The following LRRC28 variants were observed in gnomAD, a reference collection of about 807,000 sequenced individuals.
LRRC28 encodes the protein leucine-rich repeat-containing protein 28.
A neutral mutation model predicts 45.7 loss-of-function variants in LRRC28; 39 were observed. The observed-to-expected ratio is 0.85, with a 90% CI of 0.66 to 1.12. LRRC28 has a LOEUF of 1.12. Ranked by LOEUF, LRRC28 falls within the 50% of genes most tolerant of loss-of-function variation. The pLI, the probability that LRRC28 is intolerant of heterozygous loss-of-function variation, is 0.00. For synonymous variants in LRRC28, 206 were observed against 178.8 expected (o/e 1.15, Z -1.22); for missense variants, 435 against 438.5 (o/e 0.99, Z 0.07).
intron 2 of LRRC28, among the ~76,000 whole-genome samples, chr15:99,268,658 C>T (rs1180835286): frequency 6.6e-6 from 1 of 152,048 alleles, no homozygotes; most frequent in Non-Finnish European, 1.5e-5. Flanking sequence ...GAACATGCTC[C>T]CCACCCCACC....
In LRRC28 at chr15:99,287,241, T is replaced by A. The variant is rs1265612716; in HGVS notation, c.210-16T>A. The A allele has an allele frequency of 1.3e-6, 2 of 1,569,752 alleles. No homozygotes were observed. On this transcript the variant is annotated splice_polypyrimidine_tract_variant and intron_variant, in intron 3 of 9. Coordinates refer to ENST00000301981, the MANE Select transcript of LRRC28 (RefSeq NM_144598.5). ...ACTTAATGATAATGGCTGTTTTTTT[T>A]CTTTTTCCTTCCTAGATACCTGCAC...
At chr15:99,378,249 G>A (rs1464333543) in intron 9 of LRRC28, among the ~76,000 whole-genome samples, 2 of 152,142 alleles carry the variant, frequency 1.3e-5, no homozygotes, top group Non-Finnish European at 2.9e-5. Context: ...TCCTTGAAGA[G>A]GTTCTTCACA....
chr15:99,332,364 A>G (rs1019461215), intron 5 of LRRC28, among the ~76,000 whole-genome samples: 2 of 152,236 alleles, frequency 1.3e-5, no homozygotes, highest in Non-Finnish European at 2.9e-5. Flanking sequence ...TTTGTTCAGT[A>G]TTGAGGAAAT....
intron 2 of LRRC28, among the ~76,000 whole-genome samples, chr15:99,264,611 T>C (rs2081286522): frequency 6.6e-6 from 1 of 152,240 alleles, no homozygotes; most frequent in South Asian, 2.1e-4. Context: ...AGATGGGATA[T>C]GCAGAGAGGA....
At chr15:99,322,457 A>G (rs541130675) in intron 5 of LRRC28, among the ~76,000 whole-genome samples, 36 of 152,194 alleles carry the variant, frequency 2.4e-4, no homozygotes, top group South Asian at 2.3e-3. Context: ...GGATTTTGGA[A>G]TGTGGACTCT....
chr15:99,349,075 G>A (rs1179100160), intron 6 of LRRC28, among the ~76,000 whole-genome samples: 1 of 151,970 alleles, frequency 6.6e-6, no homozygotes. Flanking sequence ...TTCTTTGGTA[G>A]GTTGTTATTT....
At chr15:99,274,087 A>T (rs377682960) in intron 2 of LRRC28, among the ~76,000 whole-genome samples, 1 of 152,226 alleles carries the variant, frequency 6.6e-6, no homozygotes, top group East Asian at 1.9e-4. Flanking sequence ...CTTGTTGCAT[A>T]TATCAGTATA....
At chr15:99,369,888 G>T (rs1455501377) in intron 9 of LRRC28, among the ~76,000 whole-genome samples, 1 of 152,200 alleles carries the variant, frequency 6.6e-6, no homozygotes, top group Non-Finnish European at 1.5e-5. Context: ...GTAGTACAGA[G>T]TGCATTCAGG....
chr15:99,323,615 C>CT (rs894871728), intron 5 of LRRC28, among the ~76,000 whole-genome samples: 8 of 152,040 alleles, frequency 5.3e-5, no homozygotes, highest in Non-Finnish European at 7.4e-5. Flanking sequence ...ATAAAGAGCC[C>CT]TTTTCTCTGT....
chr15:99,267,276 C>T (rs1420632578), intron 2 of LRRC28, among the ~76,000 whole-genome samples: 1 of 152,110 alleles, frequency 6.6e-6, no homozygotes, highest in African/African-American at 2.4e-5. Flanking sequence ...CCACCCCCTC[C>T]TTGAATTTGG....
intron 2 of LRRC28, among the ~76,000 whole-genome samples, chr15:99,262,033 G>C (rs976715819): frequency 6.6e-6 from 1 of 152,114 alleles, no homozygotes; most frequent in African/African-American, 2.4e-5. Context: ...ACAAGCTTCA[G>C]ACTGTACCAC....
At chr15:99,312,315 AT>A (rs1450892476) in intron 5 of LRRC28, among the ~76,000 whole-genome samples, 1 of 152,190 alleles carries the variant, frequency 6.6e-6, no homozygotes, top group Non-Finnish European at 1.5e-5. Context: ...ATGTGACTTT[AT>A]TGTTAAAAAC....
intron 3 of LRRC28, among the ~76,000 whole-genome samples, chr15:99,282,191 T>TTTTTTTTTTTTTTTTTTTTTG (rs1327794715): frequency 2.2e-5 from 3 of 138,286 alleles, no homozygotes; most frequent in Non-Finnish European, 4.7e-5. Flanking sequence ...TTTTTTTTTT[T>TTTTTTTTTTTTTTTTTTTTTG]GTAGCAGTAG....
chr15:99,281,357 T>C (rs2081784955), intron 3 of LRRC28, among the ~76,000 whole-genome samples: 1 of 152,158 alleles, frequency 6.6e-6, no homozygotes, highest in Non-Finnish European at 1.5e-5. Flanking sequence ...GCTCAAGTGA[T>C]CCTCCTGCCT....
intron 7 of LRRC28, 47 bp downstream of exon 7, chr15:99,352,518 T>G: frequency 6.9e-7 from 1 of 1,457,156 alleles, no homozygotes; most frequent in Non-Finnish European, 9.6e-7. Context: ...TTAACTACTT[T>G]TGGTACTTCT....
At chr15:99,297,107 G>T (rs914073827) in intron 5 of LRRC28, among the ~76,000 whole-genome samples, 1 of 150,662 alleles carries the variant, frequency 6.6e-6, no homozygotes, top group Non-Finnish European at 1.5e-5. Context: ...CCTGAACCCG[G>T]GAGGCAGAGG....
intron 1 of LRRC28, among the ~76,000 whole-genome samples, chr15:99,254,906 T>G (rs950702649): frequency 1.3e-5 from 2 of 152,212 alleles, no homozygotes; most frequent in Non-Finnish European, 2.9e-5. Flanking sequence ...TTCTGCATAT[T>G]AGGCAACTGG....
At chr15:99,274,092 A>G (rs780250000) in intron 2 of LRRC28, among the ~76,000 whole-genome samples, 3 of 152,240 alleles carry the variant, frequency 2.0e-5, no homozygotes, top group Non-Finnish European at 4.4e-5. Flanking sequence ...TGCATATATC[A>G]GTATAGAAAT....
chr15:99,256,036 C>G lies in LRRC28; in HGVS notation c.79C>G (p.Leu27Val). 1 of 1,613,868 alleles carries G rather than the reference C, an allele frequency of 6.2e-7. No homozygotes were observed. Among genetic ancestry groups the G allele is most frequent in the Non-Finnish European group, 8.5e-7 (1 of 1,179,986 alleles). The change falls in exon 2 of 10, where the codon CTG becomes GTG. Residue 27 changes from leucine (L) to valine (V), a missense_variant. Coordinates refer to ENST00000301981, the MANE Select transcript of LRRC28 (RefSeq NM_144598.5). ...GAATTTGTTCTTAAATTATAGGAAT[C>G]TGCACCATTTTCCATTGGAGTTACT... ...HKNLFLNYRN[L>V]HHFPLELLKD... is the part of the protein sequence containing the mutation.
Sources: allele counts gnomAD v4.1 joint callset (sites outside exome capture counted in the v4.1 genomes callset), GRCh38; gene constraint gnomAD v4.1.1; transcripts MANE v1.5; gene names NCBI Gene and HGNC (gene_info 2026-07-23, HGNC 2026-07-21).